The following NEGR1 variants were observed in gnomAD, a reference collection of about 807,000 sequenced individuals.
The protein encoded by NEGR1 is IgLON family member 4.
In NEGR1, 10 loss-of-function variants were observed where a neutral mutation model predicts 40.9. That is an observed-to-expected ratio of 0.24 (90% confidence interval 0.15 to 0.42). The LOEUF (loss-of-function observed/expected upper bound fraction) is 0.42. Among genes scored for constraint, NEGR1 ranks in the 10% least tolerant of loss-of-function variants. The pLI, the probability that NEGR1 is intolerant of heterozygous loss-of-function variation, is 1.00. For synonymous variants in NEGR1, 185 were observed against 166.8 expected (o/e 1.11, Z -0.84); for missense variants, 352 against 438.9 (o/e 0.80, Z 1.77).
intron 3 of NEGR1, among the ~76,000 whole-genome samples, chr1:71,742,078 G>A (rs757697475): frequency 6.6e-6 from 1 of 152,122 alleles, no homozygotes; most frequent in Non-Finnish European, 1.5e-5. Flanking sequence ...TTAGGTCATG[G>A]GAGTGGGGCT....
At position 71,615,990 on chromosome 1, in the gene NEGR1, T is replaced by C. The variant is rs144985399; in HGVS notation, c.668-4844A>G. Among the ~76,000 whole-genome samples the C allele has an allele frequency of 5.7e-3, 873 of 152,326 alleles. 9 individuals carry two copies. The highest frequency in any genetic ancestry group is 0.019 in the African/African-American group (794 of 41,560). ...ATCAACTCATTTTAGTTAGCAGGCA[T>C]TGACTGAGAATTTTCAGTGGATTCC... is the stretch of plus-strand genomic sequence containing the variant. On this transcript the variant is annotated intron_variant, in intron 4 of 6. Coordinates refer to ENST00000357731, the MANE Select transcript of NEGR1 (RefSeq NM_173808.3).
chr1:71,868,190 A>T (rs192692616), intron 2 of NEGR1, among the ~76,000 whole-genome samples: 119 of 152,274 alleles, frequency 7.8e-4, no homozygotes, highest in Non-Finnish European at 1.5e-3. Flanking sequence ...GCTACTCCTC[A>T]TTACTTAGCA....
chr1:71,844,921 G>A (rs573053434), intron 2 of NEGR1, among the ~76,000 whole-genome samples: 10 of 152,282 alleles, frequency 6.6e-5, no homozygotes, highest in African/African-American at 2.4e-4. Flanking sequence ...CCAGGATATA[G>A]TCAAGAAAGT....
chr1:72,029,207 A>C (rs946074664), intron 1 of NEGR1, among the ~76,000 whole-genome samples: 2 of 152,130 alleles, frequency 1.3e-5, no homozygotes, highest in Non-Finnish European at 2.9e-5. Context: ...AAGGCTGGAC[A>C]TGGTGGCTTG....
At chr1:72,105,605 A>G (rs530723505) in intron 1 of NEGR1, among the ~76,000 whole-genome samples, 1 of 152,190 alleles carries the variant, frequency 6.6e-6, no homozygotes, top group African/African-American at 2.4e-5. Context: ...AACTGACAGA[A>G]AAACAAAAAC....
intron 2 of NEGR1, among the ~76,000 whole-genome samples, chr1:71,908,656 A>G (rs1661343817): frequency 6.6e-6 from 1 of 152,220 alleles, no homozygotes; most frequent in African/African-American, 2.4e-5. Context: ...TACCAAAGTC[A>G]TTAACTTCTG....
intron 6 of NEGR1, chr1:71,571,038 T>C (rs1648793275): frequency 6.6e-6 from 1 of 152,202 alleles, no homozygotes. Context: ...TGATGGTATG[T>C]AAGAAAGTAA....
chr1:71,934,535 T>C (rs1645885980), intron 2 of NEGR1, among the ~76,000 whole-genome samples: 1 of 152,176 alleles, frequency 6.6e-6, no homozygotes, highest in African/African-American at 2.4e-5. Context: ...AGACAGAGTA[T>C]TTGAATGCTT....
At chr1:72,018,262 A>C (rs1479953401) in intron 1 of NEGR1, among the ~76,000 whole-genome samples, 1 of 152,236 alleles carries the variant, frequency 6.6e-6, no homozygotes, top group Non-Finnish European at 1.5e-5. Flanking sequence ...GACTAGAAAT[A>C]CAGCAGTGAG....
intron 1 of NEGR1, among the ~76,000 whole-genome samples, chr1:72,234,423 G>T (rs1298758906): frequency 6.6e-6 from 1 of 151,968 alleles, no homozygotes; most frequent in South Asian, 2.1e-4. Context: ...ATTTAGAAAT[G>T]GGATCTGGGA....
At chr1:72,135,870 A>C (rs1303357204) in intron 1 of NEGR1, among the ~76,000 whole-genome samples, 1 of 152,196 alleles carries the variant, frequency 6.6e-6, no homozygotes, top group Non-Finnish European at 1.5e-5. Flanking sequence ...CTAGACTTGA[A>C]ATCTCATAAT....
intron 6 of NEGR1, among the ~76,000 whole-genome samples, chr1:71,486,204 G>A (rs1646886506): frequency 1.3e-5 from 2 of 151,572 alleles, no homozygotes; most frequent in African/African-American, 4.8e-5. Flanking sequence ...GCCATATGAT[G>A]TGGAACATCT....
chr1:72,170,008 C>T (rs1651902880), intron 1 of NEGR1, among the ~76,000 whole-genome samples: 1 of 152,048 alleles, frequency 6.6e-6, no homozygotes, highest in African/African-American at 2.4e-5. Context: ...ATCTAGATTT[C>T]CTTACACTCA....
At chr1:72,140,716 A>G (rs1041018450) in intron 1 of NEGR1, among the ~76,000 whole-genome samples, 4 of 152,060 alleles carry the variant, frequency 2.6e-5, no homozygotes, top group African/African-American at 9.7e-5. Flanking sequence ...AAACTAAAAT[A>G]TATTTTGTTA....
chr1:71,974,119 C>A (rs1224438626), intron 1 of NEGR1, among the ~76,000 whole-genome samples: 1 of 152,118 alleles, frequency 6.6e-6, no homozygotes, highest in African/African-American at 2.4e-5. Flanking sequence ...GATACTCACA[C>A]CATTGCCTCA....
At chr1:71,838,892 TAAAG>T (rs1659136275) in intron 2 of NEGR1, among the ~76,000 whole-genome samples, 2 of 152,232 alleles carry the variant, frequency 1.3e-5, no homozygotes, top group East Asian at 3.9e-4. Flanking sequence ...TCAGTTTCAA[TAAAG>T]AGATATTTTG....
At chr1:71,787,070 C>A (rs1172078147) in intron 2 of NEGR1, among the ~76,000 whole-genome samples, 1 of 152,170 alleles carries the variant, frequency 6.6e-6, no homozygotes, top group Non-Finnish European at 1.5e-5. Context: ...CTCATCTAAG[C>A]CCTGACTGCC....
intron 1 of NEGR1, among the ~76,000 whole-genome samples, chr1:72,074,232 A>C (rs1425557436): frequency 6.6e-6 from 1 of 152,120 alleles, no homozygotes; most frequent in Non-Finnish European, 1.5e-5. Context: ...GGGTCTGATA[A>C]ACGTATGAAT....
At chr1:71,426,535 A>G (rs1311356155) in intron 6 of NEGR1, among the ~76,000 whole-genome samples, 4 of 148,112 alleles carry the variant, frequency 2.7e-5, no homozygotes, top group Non-Finnish European at 6.1e-5. Context: ...GTGGTATTTC[A>G]TCTTATCATA....
Sources: allele counts gnomAD v4.1 joint callset (sites outside exome capture counted in the v4.1 genomes callset), GRCh38; gene constraint gnomAD v4.1.1; transcripts MANE v1.5; gene names NCBI Gene and HGNC (gene_info 2026-07-23, HGNC 2026-07-21).